The following RAI1 variants were observed in gnomAD, a reference collection of about 807,000 sequenced individuals.
RAI1 encodes retinoic acid-induced protein 1.
A neutral mutation model predicts 123.8 loss-of-function variants in RAI1; 9 were observed. The observed-to-expected ratio is 0.07, with a 90% CI of 0.04 to 0.13. The LOEUF (loss-of-function observed/expected upper bound fraction) is 0.13, where lower values mean the gene tolerates loss of function less well. Ranked by LOEUF, RAI1 falls within the 10% of genes least tolerant of loss-of-function variation. The probability of loss-of-function intolerance (pLI) is 1.00; values close to 1 mark genes in which losing one functional copy is unlikely to be tolerated. For missense variants in RAI1, 2,256 were observed against 2,545.8 expected (o/e 0.89, Z 2.45); for synonymous variants, 1,231 against 1,127.3 (o/e 1.09, Z -1.84).
chr17:17,773,028 TG>T (rs1379828464), intron 2 of RAI1, among the ~76,000 whole-genome samples: 1 of 125,240 alleles, frequency 8.0e-6, no homozygotes, highest in Non-Finnish European at 1.6e-5. Context: ...GATAGATGGG[TG>T]TGTGTGCATG....
At position 17,799,966 on chromosome 17, in the gene RAI1, C is replaced by T. The variant is rs1280802560; in HGVS notation, c.5565+1453C>T. Among the ~76,000 whole-genome samples the T allele has an allele frequency of 6.6e-6, 1 of 152,194 alleles. No homozygotes were observed. Among genetic ancestry groups the T allele is most frequent in the Admixed American group, 6.5e-5 (1 of 15,290 alleles). On this transcript the variant is annotated intron_variant, in intron 3 of 5. Transcript: ENST00000353383. This position sits in a 1 kb window ranked among gnomAD's most constrained non-coding sequence, Gnocchi z 4.5. ...TGTCTTGGGCACCTGCTTCCCACTG[C>T]CCATGGGGATGGCTGGAGACCTTCT...
In RAI1 at chr17:17,809,169, G is replaced by T. The variant is rs772301296; in HGVS notation, c.5660-221G>T. The T allele has an allele frequency of 4.7e-6, 3 of 643,040 alleles. No individual in the cohort carries two copies. The highest frequency in any genetic ancestry group is 8.5e-6 in the Non-Finnish European group (3 of 354,682). 39.8% of individuals were successfully genotyped at this position (643,040 alleles called of 1,614,324 possible). A position where few individuals can be genotyped will look rare whatever the true frequency, so the allele number is the denominator to read the frequency against. ...AGGGGGAAAAGCTCTCCGCGGAGGA[G>T]GTGAGGTGAGTCAAGACTGCCAGGC... On this transcript the variant is annotated intron_variant, in intron 4 of 5. Transcript: ENST00000353383. This position sits in a 1 kb window ranked among gnomAD's most constrained non-coding sequence, Gnocchi z 4.9.
At chr17:17,767,998 G>A (rs1184243002) in intron 2 of RAI1, among the ~76,000 whole-genome samples, 1 of 152,196 alleles carries the variant, frequency 6.6e-6, no homozygotes, top group African/African-American at 2.4e-5. Context: ...CTCCAGAACC[G>A]GGTGGTTGTG....
chr17:17,701,765 C>T (rs1337335549), intron 1 of RAI1, among the ~76,000 whole-genome samples: 1 of 152,194 alleles, frequency 6.6e-6, no homozygotes, highest in Non-Finnish European at 1.5e-5. Flanking sequence ...CTGGTTGCCC[C>T]TCCTTTCTGC....
At chr17:17,684,702 A>G (rs28625647) in intron 1 of RAI1, 1 of 105,694 alleles carries the variant, frequency 9.5e-6, no homozygotes, top group African/African-American at 4.3e-5. Context: ...ATATATATAT[A>G]TATATGTATG....
intron 1 of RAI1, among the ~76,000 whole-genome samples, chr17:17,708,148 C>T (rs1915447804): frequency 6.6e-6 from 1 of 152,198 alleles, no homozygotes. Flanking sequence ...TGCTCCTCCT[C>T]CTTCCTCCTG....
At chr17:17,719,899 CAT>C (rs1414184712) in intron 1 of RAI1, among the ~76,000 whole-genome samples, 8 of 152,294 alleles carry the variant, frequency 5.3e-5, no homozygotes, top group South Asian at 4.2e-4. Flanking sequence ...ACTCAATAAA[CAT>C]GTGGAATAGA....
At chr17:17,689,276 C>T (rs1914760329) in intron 1 of RAI1, among the ~76,000 whole-genome samples, 1 of 152,166 alleles carries the variant, frequency 6.6e-6, no homozygotes, top group African/African-American at 2.4e-5. Flanking sequence ...TATTCTTCTT[C>T]CATTCATGCC....
In RAI1 at chr17:17,794,749, G is replaced by A. The variant is rs1170875285; in HGVS notation, c.1801G>A (p.Ala601Thr). ...ERDCPRLLLS[A>T]LAQEDLASEI... ...GGACTGTCCGCGGCTGCTGCTCAGC[G>A]CCCTGGCACAGGAGGACCTGGCCTC... Residue 601 changes from alanine (A) to threonine (T), a missense_variant, in exon 3 of 6, where the codon GCC (alanine) becomes ACC (threonine). Physicochemically the swap from Ala to Thr is moderately conservative, Grantham distance 58. Transcript: ENST00000353383. The A allele has an allele frequency of 1.9e-5, 30 of 1,612,496 alleles. No homozygotes were observed. Among genetic ancestry groups the A allele is most frequent in the East Asian group, 6.7e-5 (3 of 44,896 alleles).
intron 1 of RAI1, among the ~76,000 whole-genome samples, chr17:17,704,215 G>A (rs941437480): frequency 6.6e-6 from 1 of 152,224 alleles, no homozygotes; most frequent in African/African-American, 2.4e-5. Flanking sequence ...TGAGGCAGCT[G>A]GGGACACTCA....
intron 2 of RAI1, chr17:17,779,027 C>T (rs575415247): frequency 1.1e-4 from 43 of 392,764 alleles, no homozygotes; most frequent in Non-Finnish European, 2.0e-4. Flanking sequence ...AACAGCTGGA[C>T]GCCAGGCCCA....
At chr17:17,729,489 C>A (rs1417871631) in intron 2 of RAI1, among the ~76,000 whole-genome samples, 1 of 152,204 alleles carries the variant, frequency 6.6e-6, no homozygotes, top group African/African-American at 2.4e-5. Context: ...AGGAGGAGAC[C>A]CACTGTGGCT....
chr17:17,748,080 C>T (rs2029995931), intron 2 of RAI1, among the ~76,000 whole-genome samples: 1 of 152,156 alleles, frequency 6.6e-6, no homozygotes, highest in Non-Finnish European at 1.5e-5. Flanking sequence ...TAGGGTGGCC[C>T]CAGAGTCATG....
At chr17:17,690,894 G>A (rs1914814967) in intron 1 of RAI1, among the ~76,000 whole-genome samples, 1 of 152,186 alleles carries the variant, frequency 6.6e-6, no homozygotes, top group Non-Finnish European at 1.5e-5. Flanking sequence ...ATCAGAGCTG[G>A]CTTTCAGTCT....
chr17:17,725,445 G>A (rs1916055328), intron 2 of RAI1, among the ~76,000 whole-genome samples: 1 of 152,124 alleles, frequency 6.6e-6, no homozygotes, highest in East Asian at 1.9e-4. Context: ...AGAGTGGTGG[G>A]AACTTCTCCT....
At chr17:17,806,351 G>T (rs2032592689) in intron 4 of RAI1, among the ~76,000 whole-genome samples, 1 of 152,208 alleles carries the variant, frequency 6.6e-6, no homozygotes, top group Non-Finnish European at 1.5e-5. Flanking sequence ...GATCCCTGTA[G>T]CACCGTGAAG....
At chr17:17,729,674 G>A (rs555628274) in intron 2 of RAI1, among the ~76,000 whole-genome samples, 1 of 152,334 alleles carries the variant, frequency 6.6e-6, no homozygotes, top group East Asian at 1.9e-4. Flanking sequence ...GCCCTGGAAC[G>A]CACACAGAGG....
intron 1 of RAI1, among the ~76,000 whole-genome samples, chr17:17,701,527 G>A (rs941606757): frequency 2.0e-5 from 3 of 152,080 alleles, no homozygotes; most frequent in East Asian, 3.9e-4. Context: ...TAGACAGACC[G>A]CTCATGCAGT....
intron 1 of RAI1, among the ~76,000 whole-genome samples, chr17:17,692,812 T>C (rs1023149429): frequency 1.3e-5 from 2 of 152,176 alleles, no homozygotes. Context: ...AAGGGTTAAA[T>C]TCAGCACAGA....
Sources: gnomAD v4.1 joint callset for allele counts (sites outside exome capture counted in the v4.1 genomes callset) on GRCh38, gnomAD v4.1.1 for gene constraint, Gnocchi (gnomAD v3.1) non-coding constraint, MANE v1.5 for transcripts, NCBI Gene and HGNC (gene_info 2026-07-23, HGNC 2026-07-21) for gene names.